Variants in TMEM108 observed in about 807,000 individuals in gnomAD.
TMEM108 encodes the protein transmembrane protein 108, also known as cancer/testis antigen 124.
Under a neutral mutation model 35.1 loss-of-function variants are expected in TMEM108, and 12 were observed. The ratio of observed to expected loss-of-function variants is 0.34; its 90% confidence interval spans 0.22 to 0.55. The LOEUF (loss-of-function observed/expected upper bound fraction) is 0.55, where lower values mean the gene tolerates loss of function less well. Among genes scored for constraint, TMEM108 ranks in the 20% least tolerant of loss-of-function variants. The pLI is 0.89. For synonymous variants in TMEM108, 287 were observed against 308.6 expected (o/e 0.93, Z 0.73); for missense variants, 680 against 753.3 (o/e 0.90, Z 1.14).
chr3:133,374,559 TATATAC>T (rs71136464), intron 3 of TMEM108, among the ~76,000 whole-genome samples: 40,504 of 143,288 alleles, frequency 0.28, 6,070 homozygotes, highest in East Asian at 0.41. Flanking sequence ...TATATATATA[TATATAC>T]ACACACACAC....
At chr3:133,086,626 G>T (rs1943885507) in intron 2 of TMEM108, among the ~76,000 whole-genome samples, 1 of 152,132 alleles carries the variant, frequency 6.6e-6, no homozygotes, top group Non-Finnish European at 1.5e-5. Flanking sequence ...ATTAGATGAG[G>T]TACACTCTGT....
chr3:133,112,696 G>A (rs895907958), intron 2 of TMEM108, among the ~76,000 whole-genome samples: 10 of 152,176 alleles, frequency 6.6e-5, no homozygotes, highest in African/African-American at 2.4e-4. Context: ...CCAATGGGAA[G>A]CAGAATGGGT....
chr3:133,287,362 AG>A (rs1947000289), intron 3 of TMEM108, among the ~76,000 whole-genome samples: 1 of 152,212 alleles, frequency 6.6e-6, no homozygotes, highest in South Asian at 2.1e-4. Context: ...GTTTAAACAA[AG>A]CACCATGGAT....
At chr3:133,052,297 T>G (rs1326564088) in intron 2 of TMEM108, among the ~76,000 whole-genome samples, 1 of 152,120 alleles carries the variant, frequency 6.6e-6, no homozygotes, top group Non-Finnish European at 1.5e-5. Flanking sequence ...ATTGCTGATA[T>G]GTAGGAAAAC....
intron 2 of TMEM108, among the ~76,000 whole-genome samples, chr3:133,178,218 C>G (rs554958782): frequency 6.6e-6 from 1 of 152,122 alleles, no homozygotes; most frequent in East Asian, 1.9e-4. Flanking sequence ...GAATCAATAT[C>G]GTGAAAATGG....
chr3:133,375,824 C>T (rs1472329336), intron 3 of TMEM108, among the ~76,000 whole-genome samples: 1 of 152,162 alleles, frequency 6.6e-6, no homozygotes, highest in Non-Finnish European at 1.5e-5. Flanking sequence ...GCAATGTGTT[C>T]TTGGACAAGT....
intron 3 of TMEM108, among the ~76,000 whole-genome samples, chr3:133,349,905 C>A (rs1361284290): frequency 2.0e-5 from 3 of 152,054 alleles, no homozygotes; most frequent in Non-Finnish European, 4.4e-5. Flanking sequence ...ATAGAGCTAC[C>A]ACATGATCCA....
intron 2 of TMEM108, among the ~76,000 whole-genome samples, chr3:133,226,104 T>C (rs574930417): frequency 1.3e-5 from 2 of 152,356 alleles, no homozygotes; most frequent in South Asian, 4.1e-4. Flanking sequence ...ATTTTCTGGT[T>C]GGCAGTTTGT....
At chr3:133,304,207 G>A (rs956768974) in intron 3 of TMEM108, among the ~76,000 whole-genome samples, 3 of 152,052 alleles carry the variant, frequency 2.0e-5, no homozygotes, top group Non-Finnish European at 2.9e-5. Flanking sequence ...TGTATAATAC[G>A]GCTGTGGTCA....
chr3:133,371,339 A>G (rs1426227467), intron 3 of TMEM108, among the ~76,000 whole-genome samples: 1 of 152,180 alleles, frequency 6.6e-6, no homozygotes, highest in African/African-American at 2.4e-5. Context: ...AGTCTAAGTC[A>G]GCTTGATGGG....
intron 3 of TMEM108, among the ~76,000 whole-genome samples, chr3:133,290,813 A>G (rs1046414166): frequency 3.0e-4 from 45 of 152,132 alleles, no homozygotes; most frequent in African/African-American, 1.1e-3. Context: ...TTCCAGTGGA[A>G]CCTGAACTTT....
intron 3 of TMEM108, among the ~76,000 whole-genome samples, chr3:133,321,246 C>G (rs2071263997): frequency 6.6e-6 from 1 of 152,174 alleles, no homozygotes; most frequent in South Asian, 2.1e-4. Context: ...AATCCACCAA[C>G]CAAGTATGTG....
intron 3 of TMEM108, among the ~76,000 whole-genome samples, chr3:133,300,931 C>T (rs1036653391): frequency 8.8e-5 from 10 of 113,460 alleles, no homozygotes; most frequent in African/African-American, 1.8e-4. Flanking sequence ...GATGCCACAG[C>T]GTAAGAATAA....
chr3:133,079,209 G>A (rs1277834957), intron 2 of TMEM108, among the ~76,000 whole-genome samples: 1 of 152,140 alleles, frequency 6.6e-6, no homozygotes, highest in Non-Finnish European at 1.5e-5. Flanking sequence ...CCCTGGTCAG[G>A]TGAGATGGAA....
intron 3 of TMEM108, among the ~76,000 whole-genome samples, chr3:133,289,539 C>G (rs1947032865): frequency 6.6e-6 from 1 of 152,136 alleles, no homozygotes; most frequent in South Asian, 2.1e-4. Flanking sequence ...ATTTCTTTGG[C>G]AAGCTGGGTT....
Position 133,045,580 on chromosome 3 carries a change from G to T in TMEM108, c.-165-322G>T, listed in dbSNP as rs116499004. On this transcript the variant is annotated intron_variant, in intron 1 of 5. Coordinates refer to ENST00000321871, the MANE Select transcript of TMEM108 (RefSeq NM_023943.4). ...TTCTAGGAAAAAAAGCACAGAGAAT[G>T]CTCATGCAAGCTTCTTCATACTGTT... 7.3e-3 allele frequency among the ~76,000 whole-genome samples: 1,114 copies of T among 152,312 alleles called. 17 individuals carry two copies. Among genetic ancestry groups the T allele is most frequent in the African/African-American group, 0.025 (1,020 of 41,568 alleles).
At chr3:133,355,198 C>T (rs1211576657) in intron 3 of TMEM108, among the ~76,000 whole-genome samples, 1 of 152,120 alleles carries the variant, frequency 6.6e-6, no homozygotes, top group African/African-American at 2.4e-5. Context: ...TGCTTTGAGG[C>T]CATTGGTTTT....
chr3:133,159,648 C>T (rs1279323587), intron 2 of TMEM108, among the ~76,000 whole-genome samples: 1 of 152,110 alleles, frequency 6.6e-6, no homozygotes, highest in East Asian at 1.9e-4. Flanking sequence ...TTCTCATAGC[C>T]CTGTGAGCGG....
intron 2 of TMEM108, among the ~76,000 whole-genome samples, chr3:133,158,611 C>T (rs1354003935): frequency 6.6e-6 from 1 of 152,010 alleles, no homozygotes; most frequent in Non-Finnish European, 1.5e-5. Flanking sequence ...AGAAACTGCC[C>T]ATCATTCTGC....
Sources: allele counts gnomAD v4.1 joint callset (sites outside exome capture counted in the v4.1 genomes callset), GRCh38; gene constraint gnomAD v4.1.1; transcripts MANE v1.5; gene names NCBI Gene and HGNC (gene_info 2026-07-23, HGNC 2026-07-21).